Variants in SPMIP3 observed in about 807,000 individuals in gnomAD.
The protein encoded by SPMIP3 is sperm microtubule inner protein 3.
chr1:244,380,123 C>CTGTTTTTT, the SPMIP3 span, among the ~76,000 whole-genome samples: 1 of 115,522 alleles, frequency 8.7e-6, no homozygotes, highest in Non-Finnish European at 1.8e-5. Context: ...CAGAGTTTTT[C>CTGTTTTTT]TTTTTTTTTT....
chr1:244,372,653 C>T, the SPMIP3 span, among the ~76,000 whole-genome samples: 60 of 152,226 alleles, frequency 3.9e-4, no homozygotes, highest in Non-Finnish European at 6.2e-4. Flanking sequence ...CCGCGTTAGC[C>T]AGGATGGTCT....
At chr1:244,364,230 A>G in the SPMIP3 span, among the ~76,000 whole-genome samples, 1 of 151,524 alleles carries the variant, frequency 6.6e-6, no homozygotes, top group Admixed American at 6.6e-5. Flanking sequence ...TCAGCCTCCC[A>G]AACAGCTGGT....
chr1:244,373,105 G>T, the SPMIP3 span, among the ~76,000 whole-genome samples: 40 of 151,828 alleles, frequency 2.6e-4, no homozygotes, highest in African/African-American at 9.2e-4. Flanking sequence ...TTCTGGCTGG[G>T]TGCAGCGGCT....
the SPMIP3 span, among the ~76,000 whole-genome samples, chr1:244,357,421 A>C: frequency 1.3e-5 from 2 of 152,038 alleles, no homozygotes; most frequent in Non-Finnish European, 2.9e-5. Context: ...AAAATTAAGA[A>C]TACTGGGCTG....
At chr1:244,357,569 C>T in the SPMIP3 span, among the ~76,000 whole-genome samples, 1 of 151,644 alleles carries the variant, frequency 6.6e-6, no homozygotes, top group Non-Finnish European at 1.5e-5. Context: ...ATTAGGCGAG[C>T]GTGGTAGAGC....
chr1:244,379,302 A>G, the SPMIP3 span, among the ~76,000 whole-genome samples: 3,809 of 151,620 alleles, frequency 0.025, 188 homozygotes, highest in African/African-American at 0.087. Context: ...CCTGGCCTAA[A>G]GCAATCCTCC....
chr1:244,365,543 C>T, the SPMIP3 span, among the ~76,000 whole-genome samples: 1 of 152,178 alleles, frequency 6.6e-6, no homozygotes, highest in Non-Finnish European at 1.5e-5. Context: ...CATTAAACCT[C>T]TTTTTCTTTA....
the SPMIP3 span, chr1:244,376,561 C>T: frequency 1.3e-5 from 2 of 152,246 alleles, no homozygotes; most frequent in South Asian, 2.1e-4. Context: ...AATATCATCA[C>T]CCAGAGATAA....
the SPMIP3 span, among the ~76,000 whole-genome samples, chr1:244,382,600 G>GTTTTTT: frequency 5.7e-5 from 6 of 106,050 alleles, no homozygotes; most frequent in Non-Finnish European, 1.1e-4. Flanking sequence ...TCTGGCTGCT[G>GTTTTTT]TTTTTTTTTT....
chr1:244,380,814 G>A, the SPMIP3 span, among the ~76,000 whole-genome samples: 1 of 152,130 alleles, frequency 6.6e-6, no homozygotes, highest in African/African-American at 2.4e-5. Flanking sequence ...GCAGCCATCA[G>A]GAAGATCAGG....
At chr1:244,364,621 G>T in the SPMIP3 span, 1 of 1,330,736 alleles carries the variant, frequency 7.5e-7, no homozygotes, top group Non-Finnish European at 1.1e-6. Context: ...TGTGGTACTA[G>T]ATATCTCACC....
At chr1:244,363,471 T>C in the SPMIP3 span, among the ~76,000 whole-genome samples, 18 of 152,068 alleles carry the variant, frequency 1.2e-4, no homozygotes, top group African/African-American at 4.1e-4. Flanking sequence ...ATGTTTAGTC[T>C]AGGGTCAGTG....
At chr1:244,379,529 G>C in the SPMIP3 span, among the ~76,000 whole-genome samples, 1 of 152,122 alleles carries the variant, frequency 6.6e-6, no homozygotes, top group Non-Finnish European at 1.5e-5. Context: ...TGAGCCCCTT[G>C]TCACATGACA....
the SPMIP3 span, among the ~76,000 whole-genome samples, chr1:244,358,554 C>T: frequency 1.3e-5 from 2 of 148,956 alleles, no homozygotes; most frequent in African/African-American, 5.0e-5. Flanking sequence ...CACTGTATTC[C>T]AGCCTAAGTG....
At chr1:244,388,117 T>TG in the SPMIP3 span, among the ~76,000 whole-genome samples, 15 of 151,468 alleles carry the variant, frequency 9.9e-5, no homozygotes, top group African/African-American at 3.6e-4. Flanking sequence ...TTAGTAGAGA[T>TG]GGGGTTTCAC....
the SPMIP3 span, among the ~76,000 whole-genome samples, chr1:244,379,576 C>G: frequency 6.6e-6 from 1 of 152,148 alleles, no homozygotes; most frequent in Non-Finnish European, 1.5e-5. Flanking sequence ...GTTAAGGGAA[C>G]TTTTCTTATT....
At chr1:244,374,689 C>T in the SPMIP3 span, among the ~76,000 whole-genome samples, 3 of 149,238 alleles carry the variant, frequency 2.0e-5, no homozygotes, top group Admixed American at 6.8e-5. Context: ...TTCTGCCTCC[C>T]GAGTTAAAGC....
the SPMIP3 span, among the ~76,000 whole-genome samples, chr1:244,360,548 A>ATGGAATATTATT: frequency 4.8e-5 from 3 of 62,992 alleles, no homozygotes; most frequent in Admixed American, 2.0e-4. Context: ...ACACACACAC[A>ATGGAATATTATT]CACACACACA....
At chr1:244,362,627 G>T in the SPMIP3 span, among the ~76,000 whole-genome samples, 2 of 152,088 alleles carry the variant, frequency 1.3e-5, no homozygotes, top group Non-Finnish European at 2.9e-5. Context: ...TCAATGTGGA[G>T]AGTGGGAAAA....
Sources: gnomAD v4.1 joint callset for allele counts (sites outside exome capture counted in the v4.1 genomes callset) on GRCh38, gnomAD v4.1.1 for gene constraint, MANE v1.5 for transcripts, NCBI Gene and HGNC (gene_info 2026-07-23, HGNC 2026-07-21) for gene names.